Variants in ASXL3 observed in about 807,000 individuals in gnomAD.
ASXL3 encodes the protein ASXL transcriptional regulator 3, also known as putative Polycomb group protein ASXL3.
Under a neutral mutation model 170.6 loss-of-function variants are expected in ASXL3, and 34 were observed. The ratio of observed to expected loss-of-function variants is 0.20; its 90% confidence interval spans 0.15 to 0.27. ASXL3 has a LOEUF of 0.27. Ranked by LOEUF, ASXL3 falls within the 10% of genes least tolerant of loss-of-function variation. The pLI is 1.00. For synonymous variants in ASXL3, 1,002 were observed against 989.1 expected (o/e 1.01, Z -0.24); for missense variants, 2,592 against 2,695.3 (o/e 0.96, Z 0.85).
At chr18:33,668,970 A>C (rs1347907068) in intron 5 of ASXL3, among the ~76,000 whole-genome samples, 1 of 152,112 alleles carries the variant, frequency 6.6e-6, no homozygotes, top group Non-Finnish European at 1.5e-5. Context: ...AGTAGTTTAA[A>C]TATATGCTAT....
At chr18:33,706,154 G>T (rs2066953045) in intron 8 of ASXL3, among the ~76,000 whole-genome samples, 2 of 150,670 alleles carry the variant, frequency 1.3e-5, no homozygotes, top group African/African-American at 4.9e-5. Flanking sequence ...GTACTTTTAG[G>T]AACATTGATA....
Position 33,646,241 on chromosome 18 carries a change from A to G in ASXL3, c.247-4A>G, listed in dbSNP as rs1038752527. The stretch of plus-strand genomic sequence containing the variant: ...ATAAATCATCACTTTTCAAAATAAT[A>G]CAGAAAGAGGAGTCGTCATGCCCAG... On this transcript the variant is annotated splice_region_variant and splice_polypyrimidine_tract_variant and intron_variant, in intron 3 of 11. Transcript: ENST00000269197. The G allele has an allele frequency of 6.2e-7, 1 of 1,607,702 alleles. No homozygotes were observed. Among genetic ancestry groups the G allele is most frequent in the African/African-American group, 1.3e-5 (1 of 74,634 alleles).
chr18:33,601,879 T>A (rs1015648958), intron 1 of ASXL3, among the ~76,000 whole-genome samples: 3 of 148,246 alleles, frequency 2.0e-5, no homozygotes, highest in Non-Finnish European at 3.0e-5. Flanking sequence ...CAGCCTCAAT[T>A]TCCTAGGCTG....
chr18:33,666,753 G>T (rs1195531435), intron 5 of ASXL3, among the ~76,000 whole-genome samples: 2 of 152,184 alleles, frequency 1.3e-5, no homozygotes, highest in African/African-American at 4.8e-5. Context: ...GAGAAGGCCA[G>T]ATGGTCGATT....
chr18:33,666,335 CA>C (rs1425912419), intron 5 of ASXL3, among the ~76,000 whole-genome samples: 2 of 152,080 alleles, frequency 1.3e-5, no homozygotes, highest in Non-Finnish European at 2.9e-5. Context: ...TAATATCTGT[CA>C]AAATAAATCA....
At chr18:33,657,969 G>A (rs1393301202) in intron 4 of ASXL3, among the ~76,000 whole-genome samples, 1 of 152,094 alleles carries the variant, frequency 6.6e-6, no homozygotes, top group Non-Finnish European at 1.5e-5. Context: ...TGTATTGTGG[G>A]ATTTCAAAGT....
chr18:33,712,956 C>T (rs1345820017), intron 8 of ASXL3, among the ~76,000 whole-genome samples: 1 of 152,136 alleles, frequency 6.6e-6, no homozygotes, highest in Non-Finnish European at 1.5e-5. Flanking sequence ...CAGGCTATTG[C>T]ACTCCTTCTC....
intron 1 of ASXL3, among the ~76,000 whole-genome samples, chr18:33,584,900 G>A (rs1418301618): frequency 1.3e-5 from 2 of 150,652 alleles, no homozygotes; most frequent in Non-Finnish European, 1.5e-5. Context: ...GTGTATGTGT[G>A]TCTGTATGTG....
At chr18:33,679,388 A>G (rs1364482633) in intron 7 of ASXL3, among the ~76,000 whole-genome samples, 3 of 152,094 alleles carry the variant, frequency 2.0e-5, no homozygotes, top group South Asian at 2.1e-4. Context: ...CTCAACAAAT[A>G]TTAGATTTTT....
At chr18:33,673,215 A>G (rs2066373192) in intron 7 of ASXL3, among the ~76,000 whole-genome samples, 1 of 152,224 alleles carries the variant, frequency 6.6e-6, no homozygotes, top group Non-Finnish European at 1.5e-5. Flanking sequence ...CCTTTAGTTA[A>G]AAACAGCTAC....
In ASXL3 at chr18:33,745,956, C is replaced by CCCA. The variant is rs771690108; in HGVS notation, c.6114_6116dup (p.Pro2040dup). On this transcript the variant is annotated inframe_insertion, in exon 12 of 12. Coordinates refer to ENST00000269197, the MANE Select transcript of ASXL3 (RefSeq NM_030632.3). Reference sequence around the variant, plus strand: ...CCTTGGCTTTGCCCCCGCCTCCCCCCCCACCACCTCCGCTACCTCCACCTC... The same window carrying CCCA: ...CCTTGGCTTTGCCCCCGCCTCCCCCCCCACCACCACCTCCGCTACCTCCACCTC... 24 of 1,535,920 alleles carry CCCA rather than the reference C, an allele frequency of 1.6e-5. No individual in the cohort carries two copies. Among genetic ancestry groups the CCCA allele is most frequent in the Non-Finnish European group, 1.8e-6 (2 of 1,138,054 alleles).
At chr18:33,650,866 A>G (rs1462329713) in intron 4 of ASXL3, among the ~76,000 whole-genome samples, 2 of 152,082 alleles carry the variant, frequency 1.3e-5, no homozygotes, top group African/African-American at 4.8e-5. Flanking sequence ...TTGCATCTCC[A>G]TGTAGGCACC....
chr18:33,632,474 CTG>C (rs1380144543), intron 2 of ASXL3, among the ~76,000 whole-genome samples: 1 of 152,148 alleles, frequency 6.6e-6, no homozygotes, highest in Non-Finnish European at 1.5e-5. Flanking sequence ...TGGATGCATA[CTG>C]TTAAATCACT....
At chr18:33,736,914 T>C (rs1348409826) in intron 10 of ASXL3, among the ~76,000 whole-genome samples, 1 of 152,160 alleles carries the variant, frequency 6.6e-6, no homozygotes, top group African/African-American at 2.4e-5. Flanking sequence ...CTTACCTATA[T>C]GTATATTTAA....
chr18:33,589,998 A>G (rs768271064), intron 1 of ASXL3, among the ~76,000 whole-genome samples: 3 of 152,120 alleles, frequency 2.0e-5, no homozygotes, highest in Non-Finnish European at 4.4e-5. Flanking sequence ...AAACAAATTT[A>G]ACTCAAATTA....
chr18:33,664,143 G>A (rs1297370675), intron 5 of ASXL3, among the ~76,000 whole-genome samples: 1 of 152,060 alleles, frequency 6.6e-6, no homozygotes, highest in East Asian at 1.9e-4. Flanking sequence ...TCATGCAAAT[G>A]CTTTGAAGTA....
At chr18:33,622,207 A>G (rs866113631) in intron 2 of ASXL3, among the ~76,000 whole-genome samples, 2 of 152,170 alleles carry the variant, frequency 1.3e-5, no homozygotes, top group African/African-American at 2.4e-5. Flanking sequence ...GCTAAATCCA[A>G]TATAATTCAG....
intron 1 of ASXL3, among the ~76,000 whole-genome samples, chr18:33,607,264 A>G (rs2065264499): frequency 6.6e-6 from 1 of 151,950 alleles, no homozygotes; most frequent in African/African-American, 2.4e-5. Flanking sequence ...TGAAAACATG[A>G]CTTTCACCAT....
Position 33,750,695 on chromosome 18 carries a change from A to G in ASXL3, c.*4100A>G, listed in dbSNP as rs184936699. The G allele has an allele frequency of 1.3e-5, 2 of 152,222 alleles. No individual in the cohort carries two copies. Among genetic ancestry groups the G allele is most frequent in the East Asian group, 1.9e-4 (1 of 5,192 alleles). 9.4% of individuals were successfully genotyped at this position (152,222 alleles called of 1,614,324 possible). A position where few individuals can be genotyped will look rare whatever the true frequency, so the allele number is the denominator to read the frequency against. ...AATGTGAAATCAACCCAAACATAAC[A>G]TGCATGACAAACACAGATTGGGGGC... On this transcript the variant is annotated 3_prime_UTR_variant, in exon 12 of 12. Transcript: ENST00000269197.
Sources: gnomAD v4.1 joint callset for allele counts (sites outside exome capture counted in the v4.1 genomes callset) on GRCh38, gnomAD v4.1.1 for gene constraint, MANE v1.5 for transcripts, NCBI Gene and HGNC (gene_info 2026-07-23, HGNC 2026-07-21) for gene names.